The following ADARB2 variants were observed in gnomAD, a reference collection of about 807,000 sequenced individuals.
The protein encoded by ADARB2 is inactive double-stranded RNA-specific editase B2.
Under a neutral mutation model 62.2 loss-of-function variants are expected in ADARB2, and 25 were observed. The ratio of observed to expected loss-of-function variants is 0.40; its 90% CI spans 0.29 to 0.56. The LOEUF (loss-of-function observed/expected upper bound fraction) is 0.56. ADARB2 is among the 20% of genes least tolerant of loss of function. ADARB2 has a pLI of 0.43. For missense variants in ADARB2, 1,071 were observed against 1,077.4 expected (o/e 0.99, Z 0.08); for synonymous variants, 572 against 500.8 (o/e 1.14, Z -1.90).
intron 3 of ADARB2, among the ~76,000 whole-genome samples, chr10:1,327,560 C>A (rs369706205): frequency 0.019 from 395 of 21,178 alleles, 2 homozygotes; most frequent in African/African-American, 0.068. Context: ...TCCTCACGGC[C>A]CAGCGCCTCC....
At chr10:1,645,887 A>G (rs1834034680) in intron 1 of ADARB2, among the ~76,000 whole-genome samples, 1 of 152,214 alleles carries the variant, frequency 6.6e-6, no homozygotes, top group Non-Finnish European at 1.5e-5. Context: ...TTATTCATTC[A>G]TAAACTCAAT....
chr10:1,531,222 T>A (rs962944043), intron 1 of ADARB2, among the ~76,000 whole-genome samples: 2 of 152,148 alleles, frequency 1.3e-5, no homozygotes, highest in African/African-American at 4.8e-5. Context: ...AGTAAATTAG[T>A]GAGTGGCCGA....
intron 1 of ADARB2, among the ~76,000 whole-genome samples, chr10:1,626,650 C>A (rs1833773244): frequency 6.6e-6 from 1 of 152,116 alleles, no homozygotes. Flanking sequence ...CGGGCTGCCC[C>A]CACACTCGAC....
chr10:1,636,429 ATTGT>A (rs1436944391), intron 1 of ADARB2, among the ~76,000 whole-genome samples: 1 of 152,050 alleles, frequency 6.6e-6, no homozygotes, highest in African/African-American at 2.4e-5. Context: ...AGGCAGGAGG[ATTGT>A]TTGAGCCTCA....
intron 1 of ADARB2, among the ~76,000 whole-genome samples, chr10:1,692,482 T>G (rs1471202245): frequency 6.6e-6 from 1 of 152,152 alleles, no homozygotes; most frequent in Non-Finnish European, 1.5e-5. Context: ...GAGTCCACTG[T>G]CCCAAATTCA....
At position 1,734,332 on chromosome 10, in the gene ADARB2, T is replaced by C. The variant is rs79668764; in HGVS notation, c.100+2719A>G. The stretch of plus-strand genomic sequence containing the variant: ...TTTTTTTTTTAAAGATACATACAGC[T>C]GCCTTTGTGGCATAGTAACTAAAAT... On this transcript the variant is annotated intron_variant, in intron 1 of 9. Transcript: ENST00000381312. Among the ~76,000 whole-genome samples, 1,129 of 150,094 alleles carry C rather than the reference T, an allele frequency of 7.5e-3. 50 individuals carry two copies. The East Asian group carries it at 0.12, about 16-fold the overall frequency.
intron 4 of ADARB2, among the ~76,000 whole-genome samples, chr10:1,243,117 C>A (rs1830943497): frequency 6.6e-6 from 1 of 152,216 alleles, no homozygotes; most frequent in South Asian, 2.1e-4. Context: ...CCTAGGGAGT[C>A]CGTGTCATTA....
chr10:1,462,811 G>C (rs1564296701), intron 1 of ADARB2, among the ~76,000 whole-genome samples: 11 of 152,030 alleles, frequency 7.2e-5, no homozygotes, highest in Non-Finnish European at 1.5e-5. Context: ...GTACATGTGT[G>C]TGTCTGTGTG....
chr10:1,404,461 C>A (rs1010575388), intron 1 of ADARB2, among the ~76,000 whole-genome samples: 4 of 152,216 alleles, frequency 2.6e-5, no homozygotes, highest in African/African-American at 2.4e-5. Flanking sequence ...GGAGACGCTG[C>A]GTGGTGATGA....
chr10:1,555,594 C>T lies in ADARB2; in HGVS notation c.101-176434G>A, dbSNP rs137911373. ...CGGGGCTTCATTAAGAAACTGTGTC[C>T]CTGTGTCAGGTATGCGAGACTACAA... On this transcript the variant is annotated intron_variant, in intron 1 of 9. Coordinates refer to ENST00000381312, the MANE Select transcript of ADARB2 (RefSeq NM_018702.4). Among the ~76,000 whole-genome samples the T allele has an allele frequency of 1.8e-3, 274 of 152,102 alleles. 3 individuals are homozygous for T. The highest frequency in any genetic ancestry group is 6.4e-3 in the African/African-American group (266 of 41,476).
intron 1 of ADARB2, among the ~76,000 whole-genome samples, chr10:1,682,688 C>A (rs1834553418): frequency 6.6e-6 from 1 of 152,186 alleles, no homozygotes; most frequent in Non-Finnish European, 1.5e-5. Context: ...GTTAGCAAGA[C>A]CAGAGAGCAG....
intron 6 of ADARB2, 146 bp downstream of exon 6, chr10:1,233,548 A>G (rs1468125824): frequency 3.5e-6 from 3 of 853,230 alleles, no homozygotes; most frequent in Non-Finnish European, 5.1e-6. Flanking sequence ...TGGTTATCCC[A>G]CTAATTGTAG....
intron 1 of ADARB2, among the ~76,000 whole-genome samples, chr10:1,469,237 C>T (rs1346883025): frequency 1.3e-5 from 2 of 152,244 alleles, no homozygotes; most frequent in East Asian, 1.9e-4. Context: ...CCAGTGCCCC[C>T]TGCAAAGCAC....
At chr10:1,628,210 A>G (rs775922349) in intron 1 of ADARB2, among the ~76,000 whole-genome samples, 1 of 152,200 alleles carries the variant, frequency 6.6e-6, no homozygotes, top group Non-Finnish European at 1.5e-5. Context: ...TTAGGGGGAA[A>G]AGTCGCTTCT....
chr10:1,213,659 G>A (rs573226749), intron 7 of ADARB2, among the ~76,000 whole-genome samples: 1 of 152,322 alleles, frequency 6.6e-6, no homozygotes, highest in African/African-American at 2.4e-5. Flanking sequence ...CAGAGCCACG[G>A]GTGTGACAAT....
chr10:1,386,114 C>T (rs1236486118), intron 1 of ADARB2, among the ~76,000 whole-genome samples: 1 of 151,774 alleles, frequency 6.6e-6, no homozygotes, highest in Non-Finnish European at 1.5e-5. Flanking sequence ...AGGTAGTTGG[C>T]TATGATAAGT....
At chr10:1,351,178 T>TCTGA (rs1832133839) in intron 3 of ADARB2, among the ~76,000 whole-genome samples, 1 of 152,180 alleles carries the variant, frequency 6.6e-6, no homozygotes, top group African/African-American at 2.4e-5. Flanking sequence ...CCCAAGGCTC[T>TCTGA]CTGACTCCTT....
chr10:1,602,409 TC>T (rs1833428836), intron 1 of ADARB2, among the ~76,000 whole-genome samples: 2 of 152,092 alleles, frequency 1.3e-5, no homozygotes, highest in Non-Finnish European at 2.9e-5. Flanking sequence ...GAAGAATGGC[TC>T]CCGATGACAG....
chr10:1,409,722 A>G (rs1323461814), intron 1 of ADARB2, among the ~76,000 whole-genome samples: 330 of 54,806 alleles, frequency 6.0e-3, no homozygotes, highest in African/African-American at 0.011. Flanking sequence ...TGTGGTCATG[A>G]GGAAGGATTC....
Sources: allele counts gnomAD v4.1 joint callset (sites outside exome capture counted in the v4.1 genomes callset), GRCh38; gene constraint gnomAD v4.1.1; transcripts MANE v1.5; gene names NCBI Gene and HGNC (gene_info 2026-07-23, HGNC 2026-07-21).